The following EIF4E variants were observed in gnomAD, a reference collection of about 807,000 sequenced individuals.
EIF4E encodes the protein eIF-4F 25 kDa subunit.
For missense variants in EIF4E, 113 were observed against 265.6 expected (o/e 0.43, Z 3.99); for synonymous variants, 71 against 88.5 (o/e 0.80, Z 1.11).
chr4:98,881,726 G>A (rs898023545), intron 6 of EIF4E, among the ~76,000 whole-genome samples: 4 of 152,108 alleles, frequency 2.6e-5, no homozygotes, highest in Non-Finnish European at 5.9e-5. Flanking sequence ...TAAACACTTC[G>A]AGGGAGTGAA....
intron 2 of EIF4E, among the ~76,000 whole-genome samples, chr4:98,900,448 T>C (rs1176467855): frequency 6.6e-6 from 1 of 151,958 alleles, no homozygotes; most frequent in Non-Finnish European, 1.5e-5. Flanking sequence ...CCATGATGAA[T>C]AAAGGAAACA....
chr4:98,889,153 A>C (rs576352386), intron 3 of EIF4E, among the ~76,000 whole-genome samples: 1 of 131,408 alleles, frequency 7.6e-6, no homozygotes, highest in South Asian at 2.3e-4. Context: ...GCTAGACTCC[A>C]TCTCAAAAAA....
At chr4:98,892,983 G>A (rs1039677230) in intron 2 of EIF4E, among the ~76,000 whole-genome samples, 1 of 152,030 alleles carries the variant, frequency 6.6e-6, no homozygotes, top group Non-Finnish European at 1.5e-5. Context: ...GCATACCTTG[G>A]ATATATTGTG....
intron 6 of EIF4E, among the ~76,000 whole-genome samples, chr4:98,883,242 A>T (rs576855619): frequency 3.0e-4 from 45 of 152,292 alleles, no homozygotes; most frequent in Admixed American, 5.2e-4. Context: ...ACTGCACCCC[A>T]GCCTGGGCAA....
Position 98,884,786 on chromosome 4 carries a change from T to C in EIF4E, c.539+136A>G. 5 of 1,218,018 alleles carry C rather than the reference T, an allele frequency of 4.1e-6. No individual in the cohort carries two copies. The South Asian group carries it at 6.8e-5, about 17-fold the overall frequency. The allele number at this position is 1,218,018 out of a possible 1,614,324, so 75.5% of individuals were successfully genotyped here. ...GCGCACCAATTGAGCCGTTCAAAAT[T>C]ATAAAAGTGTTCACGAAAACAATAC... is the stretch of plus-strand genomic sequence containing the variant. On this transcript the variant is annotated intron_variant, in intron 6 of 6. Transcript: ENST00000450253.
At chr4:98,914,890 G>A (rs891327225) in intron 1 of EIF4E, among the ~76,000 whole-genome samples, 3 of 152,122 alleles carry the variant, frequency 2.0e-5, no homozygotes, top group East Asian at 3.8e-4. Flanking sequence ...AGTAAGTTAC[G>A]GGAACTGTCT....
chr4:98,915,387 A>T (rs2028686), intron 1 of EIF4E, among the ~76,000 whole-genome samples: 1 of 152,050 alleles, frequency 6.6e-6, no homozygotes, highest in South Asian at 2.1e-4. Context: ...ATTACAGATT[A>T]TTTTTTCACA....
intron 1 of EIF4E, among the ~76,000 whole-genome samples, chr4:98,923,311 T>C (rs1295847739): frequency 6.7e-6 from 1 of 148,626 alleles, no homozygotes; most frequent in African/African-American, 2.5e-5. Flanking sequence ...CAAAATCATT[T>C]TCTTTTTCTT....
At chr4:98,892,336 C>CAA (rs1724180139) in intron 2 of EIF4E, among the ~76,000 whole-genome samples, 1 of 131,228 alleles carries the variant, frequency 7.6e-6, no homozygotes, top group African/African-American at 3.0e-5. Flanking sequence ...AACAAAAAAA[C>CAA]AAACAAAAAA....
intron 1 of EIF4E, among the ~76,000 whole-genome samples, chr4:98,915,046 C>A (rs1725318554): frequency 6.6e-6 from 1 of 152,184 alleles, no homozygotes; most frequent in Admixed American, 6.5e-5. Flanking sequence ...AGGGCTCAAT[C>A]AATCCTCCCG....
chr4:98,892,700 A>AG (rs1491110702), intron 2 of EIF4E, among the ~76,000 whole-genome samples: 1 of 150,138 alleles, frequency 6.7e-6, no homozygotes, highest in Non-Finnish European at 1.5e-5. Context: ...AAAAAAAAAA[A>AG]GAAGGCGAGA....
At chr4:98,896,486 C>CAAAA (rs59729154) in intron 2 of EIF4E, among the ~76,000 whole-genome samples, 433 of 38,884 alleles carry the variant, frequency 0.011, 13 homozygotes, top group Middle Eastern at 0.025. Context: ...CCGCATCTCT[C>CAAAA]AAAAAAAAAA....
intron 1 of EIF4E, chr4:98,928,746 G>A: frequency 3.6e-6 from 4 of 1,124,758 alleles, no homozygotes; most frequent in Non-Finnish European, 4.8e-6. Context: ...CTGGGAGCCG[G>A]CCCTGCGCCT....
intron 1 of EIF4E, among the ~76,000 whole-genome samples, chr4:98,914,114 C>T (rs1725268200): frequency 6.6e-6 from 1 of 150,434 alleles, no homozygotes; most frequent in Non-Finnish European, 1.5e-5. Flanking sequence ...AATCCCAGCA[C>T]TTTGAGGCCG....
chr4:98,889,670 T>TTTAG (rs1724070134), intron 3 of EIF4E, among the ~76,000 whole-genome samples: 3 of 152,358 alleles, frequency 2.0e-5, no homozygotes, highest in Admixed American at 6.5e-5. Context: ...AAAAACCTAC[T>TTTAG]ATGTAATGAC....
chr4:98,922,395 T>C (rs940233163), intron 1 of EIF4E, among the ~76,000 whole-genome samples: 2 of 151,684 alleles, frequency 1.3e-5, no homozygotes, highest in Admixed American at 1.3e-4. Context: ...ATCTCTACTA[T>C]AAATACAAAA....
chr4:98,920,818 T>A (rs1279015376), intron 1 of EIF4E, among the ~76,000 whole-genome samples: 5 of 152,216 alleles, frequency 3.3e-5, no homozygotes, highest in Non-Finnish European at 7.3e-5. Context: ...CCACCATCCA[T>A]AAACCATCTG....
At chr4:98,913,207 C>CA (rs140208198) in intron 1 of EIF4E, among the ~76,000 whole-genome samples, 3,239 of 131,628 alleles carry the variant, frequency 0.025, 103 homozygotes, top group African/African-American at 0.085. Flanking sequence ...GACTCCATCT[C>CA]AAAAAAAAAA....
chr4:98,901,390 G>A (rs1724642120), intron 2 of EIF4E, among the ~76,000 whole-genome samples: 1 of 152,008 alleles, frequency 6.6e-6, no homozygotes, highest in Non-Finnish European at 1.5e-5. Context: ...GTAGAGACGG[G>A]GTTTCACCAT....
Sources: allele counts gnomAD v4.1 joint callset (sites outside exome capture counted in the v4.1 genomes callset), GRCh38; gene constraint gnomAD v4.1.1; transcripts MANE v1.5; gene names NCBI Gene and HGNC (gene_info 2026-07-23, HGNC 2026-07-21).